PACSIN1: variants seen among roughly 807,000 people sequenced by gnomAD.
The protein encoded by PACSIN1 is protein kinase C and casein kinase substrate in neurons protein 1.
In PACSIN1, 15 loss-of-function variants were observed where a neutral mutation model predicts 59.5. The observed-to-expected ratio is 0.25, with a 90% CI of 0.17 to 0.39. PACSIN1 has a LOEUF of 0.39. Ranked by LOEUF, PACSIN1 falls within the 10% of genes least tolerant of loss-of-function variation. PACSIN1 has a pLI of 1.00. For missense variants in PACSIN1, 420 were observed against 580.2 expected, an observed-to-expected ratio of 0.72 and a Z score of 2.84; for synonymous variants, 210 against 220.6, an observed-to-expected ratio of 0.95 and a Z score of 0.42.
Position 34,514,189 on chromosome 6 carries a change from G to A in PACSIN1, c.-63-12054G>A, listed in dbSNP as rs565821522. The stretch of plus-strand genomic sequence containing the variant: ...TGGGGTGCACATGTCCTGGACACAC[G>A]AGTGCTTAGGGCCACCCATGTGTGC... On this transcript the variant is annotated intron_variant, in intron 1 of 9. Coordinates refer to ENST00000244458, the MANE Select transcript of PACSIN1 (RefSeq NM_020804.5). The surrounding 1 kb of genome is among the most constrained non-coding windows in gnomAD (Gnocchi z 4.4). Among the ~76,000 whole-genome samples the A allele has an allele frequency of 3.3e-5, 5 of 152,170 alleles. No individual in the cohort carries two copies. The highest frequency in any genetic ancestry group is 7.2e-5 in the African/African-American group (3 of 41,510).
intron 4 of PACSIN1, 21 bp downstream of exon 4, chr6:34,528,898 C>CTGG: frequency 3.4e-6 from 1 of 298,360 alleles, no homozygotes; most frequent in Non-Finnish European, 6.2e-6. Context: ...GGTGCTGCCA[C>CTGG]GGGCGGGGTG....
At chr6:34,487,815 G>A (rs545634772) in intron 1 of PACSIN1, among the ~76,000 whole-genome samples, 1 of 152,200 alleles carries the variant, frequency 6.6e-6, no homozygotes. Flanking sequence ...TGGACCATGA[G>A]CAGGCAACAC....
chr6:34,487,084 C>T (rs1428197928), intron 1 of PACSIN1, among the ~76,000 whole-genome samples: 2 of 151,678 alleles, frequency 1.3e-5, no homozygotes, highest in Non-Finnish European at 2.9e-5. Context: ...GTGGGAGGAT[C>T]AGCCGAGCCC....
At chr6:34,477,901 A>T (rs996603111) in intron 1 of PACSIN1, among the ~76,000 whole-genome samples, 2 of 137,662 alleles carry the variant, frequency 1.5e-5, no homozygotes, top group Non-Finnish European at 3.1e-5. Flanking sequence ...GCTGTGTGCC[A>T]CCAAGCCTGG....
At chr6:34,522,327 C>T (rs1247763833) in intron 1 of PACSIN1, among the ~76,000 whole-genome samples, 1 of 152,234 alleles carries the variant, frequency 6.6e-6, no homozygotes, top group Admixed American at 6.5e-5. Flanking sequence ...ATAAGGCACA[C>T]ATAAAGCATC....
chr6:34,517,232 C>T (rs1767308968), intron 1 of PACSIN1, among the ~76,000 whole-genome samples: 1 of 152,152 alleles, frequency 6.6e-6, no homozygotes, highest in Non-Finnish European at 1.5e-5. Flanking sequence ...TTCCAGACTC[C>T]AGCCTCTTCC....
intron 1 of PACSIN1, among the ~76,000 whole-genome samples, chr6:34,483,463 C>G (rs376014136): frequency 1.3e-5 from 2 of 152,042 alleles, no homozygotes; most frequent in Non-Finnish European, 2.9e-5. Flanking sequence ...CGCAGGGCCA[C>G]GTAGCCGGTG....
At chr6:34,520,776 C>A (rs946940664) in intron 1 of PACSIN1, among the ~76,000 whole-genome samples, 1 of 151,552 alleles carries the variant, frequency 6.6e-6, no homozygotes, top group African/African-American at 2.4e-5. Context: ...ACCCTGGAAC[C>A]GGGCCCTGAG....
chr6:34,490,283 T>C (rs1333527754), intron 1 of PACSIN1, among the ~76,000 whole-genome samples: 1 of 145,282 alleles, frequency 6.9e-6, no homozygotes, highest in Non-Finnish European at 1.5e-5. Context: ...CCCAGGCTGA[T>C]CTTGAACTCC....
intron 1 of PACSIN1, among the ~76,000 whole-genome samples, chr6:34,482,337 C>T (rs1316261659): frequency 2.6e-5 from 4 of 152,112 alleles, no homozygotes; most frequent in African/African-American, 9.7e-5. Context: ...CTGCCTGCCT[C>T]GGCCTCCCAA....
chr6:34,527,363 T>C lies in PACSIN1; in HGVS notation c.95T>C (p.Ile32Thr), dbSNP rs1323902097. Reference sequence around the variant, plus strand: ...AACTACAAGCGGACCGTGAAGCGCATCGATGACGGCCACCGTCTATGCAAC... The same window carrying C: ...AACTACAAGCGGACCGTGAAGCGCACCGATGACGGCCACCGTCTATGCAAC... Reference protein sequence around the residue: ...VGNYKRTVKRIDDGHRLCNDL... With the variant: ...VGNYKRTVKRTDDGHRLCNDL... Residue 32 changes from isoleucine (I) to threonine (T), a missense_variant, in exon 3 of 10, where the codon ATC becomes ACC. By Grantham distance (89) the Ile-to-Thr change is moderately conservative. Coordinates refer to ENST00000244458, the MANE Select transcript of PACSIN1 (RefSeq NM_020804.5). The C allele has an allele frequency of 2.5e-6, 4 of 1,594,158 alleles. No individual in the cohort carries two copies. The highest frequency in any genetic ancestry group is 3.4e-6 in the Non-Finnish European group (4 of 1,171,332).
At position 34,479,102 on chromosome 6, in the gene PACSIN1, A is replaced by G. The variant is rs112441572; in HGVS notation, c.-64+12832A>G. 7.9e-4 allele frequency among the ~76,000 whole-genome samples: 121 copies of G among 152,302 alleles called. 2 individuals are homozygous for G. Among genetic ancestry groups the G allele is most frequent in the South Asian group, 7.7e-3 (37 of 4,822 alleles). On this transcript the variant is annotated intron_variant, in intron 1 of 9. Transcript: ENST00000244458. Reference sequence around the variant, plus strand: ...AACCTAGTCATGAGGGCAGTGCCCCATAATCCAAACACCTCTCACTAGGCC... The same window carrying G: ...AACCTAGTCATGAGGGCAGTGCCCCGTAATCCAAACACCTCTCACTAGGCC...
Position 34,529,935 on chromosome 6 carries a change from G to A in PACSIN1, c.788+94G>A. ...ATCCCAGCCCTCCATCACAGTGACG[G>A]GAAGGGGAGGCAGAGCTGCAGGGGT... On this transcript the variant is annotated intron_variant, in intron 6 of 9. Transcript: ENST00000244458. The surrounding 1 kb of genome is among the most constrained non-coding windows in gnomAD (Gnocchi z 6.3). 1 of 1,378,064 alleles carries A rather than the reference G, an allele frequency of 7.3e-7. No individual in the cohort carries two copies. Among genetic ancestry groups the A allele is most frequent in the Non-Finnish European group, 9.9e-7 (1 of 1,005,926 alleles). 85.4% of individuals were successfully genotyped at this position (1,378,064 alleles called of 1,614,324 possible). A position where few individuals can be genotyped will look rare whatever the true frequency, so the allele number is the denominator to read the frequency against.
In PACSIN1 at chr6:34,466,164, G is replaced by GCCAGCC. The variant is rs1766492722; in HGVS notation, c.-167_-162dup. Reference sequence around the variant, plus strand: ...AGAGCGACGCGGTGGCGGCGGCAGCGCCAGCCCCCTCCTCCCCCGGGAAGT... The same window carrying GCCAGCC: ...AGAGCGACGCGGTGGCGGCGGCAGCGCCAGCCCCAGCCCCCTCCTCCCCCGGGAAGT... On this transcript the variant is annotated 5_prime_UTR_variant, in exon 1 of 10. Transcript: ENST00000244458. 1 of 152,226 alleles carries GCCAGCC rather than the reference G, an allele frequency of 6.6e-6. No homozygotes were observed. Among genetic ancestry groups the GCCAGCC allele is most frequent in the Admixed American group, 6.5e-5 (1 of 15,280 alleles). The allele number at this position is 152,226 out of a possible 1,614,324, so 9.4% of individuals were successfully genotyped here. A position where few individuals can be genotyped will look rare whatever the true frequency, so the allele number is the denominator to read the frequency against.
At chr6:34,506,361 C>T (rs1340966743) in intron 1 of PACSIN1, among the ~76,000 whole-genome samples, 1 of 152,120 alleles carries the variant, frequency 6.6e-6, no homozygotes, top group Non-Finnish European at 1.5e-5. Flanking sequence ...GGACTGCAGC[C>T]ATGCACCACC....
chr6:34,518,395 G>A lies in PACSIN1; in HGVS notation c.-63-7848G>A, dbSNP rs1466603300. On this transcript the variant is annotated intron_variant, in intron 1 of 9. Transcript: ENST00000244458. This position sits in a 1 kb window ranked among gnomAD's most constrained non-coding sequence, Gnocchi z 4.4. ...CCAAGTGTGTGCTGACTGGTGTTGA[G>A]AAAAGAGATGCCCCAGAGCAGACAG... Among the ~76,000 whole-genome samples the A allele has an allele frequency of 1.3e-5, 2 of 152,186 alleles. No homozygotes were observed. The highest frequency in any genetic ancestry group is 6.5e-5 in the Admixed American group (1 of 15,286).
rs368223648 is a variant in PACSIN1 at position 34,520,204 on chromosome 6, T to C, written c.-63-6039T>C. 7.2e-5 allele frequency among the ~76,000 whole-genome samples: 11 copies of C among 152,256 alleles called. No individual in the cohort carries two copies. The East Asian group carries it at 2.1e-3, about 29-fold the overall frequency. On this transcript the variant is annotated intron_variant, in intron 1 of 9. Coordinates refer to ENST00000244458, the MANE Select transcript of PACSIN1 (RefSeq NM_020804.5). ...GCTGACTCAAATCCTCCCCGCTGCA[T>C]TGGGAGCCCCAGCAGAGATGGGTCA...
rs192103372 is a variant in PACSIN1 at position 34,506,456 on chromosome 6, C to T, written c.-63-19787C>T. ...TCTCAAACTCCTGGCCTCAAGTGAT[C>T]CTCCTGCCTTGGTCTCCTAAAGTGC... On this transcript the variant is annotated intron_variant, in intron 1 of 9. Coordinates refer to ENST00000244458, the MANE Select transcript of PACSIN1 (RefSeq NM_020804.5). Among the ~76,000 whole-genome samples, 365 of 152,334 alleles carry T rather than the reference C, an allele frequency of 2.4e-3. 1 individual carries two copies. Among genetic ancestry groups the T allele is most frequent in the Non-Finnish European group, 4.3e-3 (293 of 68,028 alleles).
intron 1 of PACSIN1, among the ~76,000 whole-genome samples, chr6:34,480,483 C>T (rs1766701543): frequency 2.0e-5 from 3 of 151,946 alleles, no homozygotes; most frequent in South Asian, 4.2e-4. Context: ...ACCTCGGCCT[C>T]CCAAAGTGCT....
Sources: gnomAD v4.1 joint callset for allele counts (sites outside exome capture counted in the v4.1 genomes callset) on GRCh38, gnomAD v4.1.1 for gene constraint, Gnocchi (gnomAD v3.1) non-coding constraint, MANE v1.5 for transcripts, NCBI Gene and HGNC (gene_info 2026-07-23, HGNC 2026-07-21) for gene names.